The following SV2A variants were observed in gnomAD, a reference collection of about 807,000 sequenced individuals.
SV2A encodes the protein synaptic vesicle glycoprotein 2A, also known as solute carrier family 22 member B1.
SV2A carries 25 observed loss-of-function variants against 78.0 expected under a neutral mutation model. The observed-to-expected ratio is 0.32, with a 90% CI of 0.23 to 0.45. SV2A has a LOEUF of 0.45. Among genes scored for constraint, SV2A ranks in the 20% least tolerant of loss-of-function variants. The pLI is 1.00. For missense variants in SV2A, 752 were observed against 971.5 expected (o/e 0.77, Z 3.00); for synonymous variants, 355 against 384.7 (o/e 0.92, Z 0.90).
chr1:149,912,003 C>A (rs1553763884), intron 2 of SV2A, 23 bp from the exon 3 acceptor site: 1 of 1,607,626 alleles, frequency 6.2e-7, no homozygotes, highest in South Asian at 1.1e-5. Flanking sequence ...GGAAAACAGG[C>A]AGAGGGGGTG....
intron 3 of SV2A, 54 bp downstream of exon 3, chr1:149,911,746 A>T: frequency 6.4e-7 from 1 of 1,563,762 alleles, no homozygotes; most frequent in Non-Finnish European, 8.7e-7. Flanking sequence ...TAAAGATACA[A>T]CAGTGACCAA....
chr1:149,911,083 A>T (rs1571504603), intron 3 of SV2A, 106 bp from the exon 4 acceptor site: 3 of 1,410,010 alleles, frequency 2.1e-6, no homozygotes, highest in East Asian at 4.7e-5. Flanking sequence ...GCTTTTGAAG[A>T]GACTCCATCT....
In SV2A at chr1:149,905,062, G is replaced by A. The variant is rs1360557224; in HGVS notation, c.2181C>T (p.Ser727=). ...LFASAALALG[S]SLALKLPETR... Reference sequence around the variant, plus strand: ...TCTCAGGCAGCTTCAGGGCCAGAGAGCTGCCAAGGGCAAGGGCAGCTGAGG... The same window carrying A: ...TCTCAGGCAGCTTCAGGGCCAGAGAACTGCCAAGGGCAAGGGCAGCTGAGG... Residue 727 remains serine, a synonymous_variant, in exon 13 of 13, where the codon AGC becomes AGT. Transcript: ENST00000369146. 1.9e-6 allele frequency: 3 copies of A among 1,613,168 alleles called. No homozygotes were observed. The highest frequency in any genetic ancestry group is 2.5e-6 in the Non-Finnish European group (3 of 1,179,718).
chr1:149,916,527 C>T (rs76821836), intron 1 of SV2A, among the ~76,000 whole-genome samples: 3,877 of 152,242 alleles, frequency 0.025, 175 homozygotes, highest in African/African-American at 0.089. Context: ...AAAAATGTGC[C>T]CAGGAGATTT....
rs782643808 is a variant in SV2A, at chr1:149,909,266, A to G, written c.1305T>C (p.Phe435=). The change falls in exon 8 of 13, where the codon TTT becomes TTC. Residue 435 remains phenylalanine, a synonymous_variant. Transcript: ENST00000369146. ...GATATTCGGGACCAAAACAGGAGAGAAAATTCCCCCAAACCTACAGGGGAC... is the reference window on the plus strand; with the variant it reads ...GATATTCGGGACCAAAACAGGAGAGGAAATTCCCCCAAACCTACAGGGGAC... ...LSLGGQVWGN[F]LSCFGPEYRR... is the part of the protein sequence containing the mutation. The G allele has an allele frequency of 3.7e-6, 6 of 1,613,960 alleles. No individual in the cohort carries two copies. The highest frequency in any genetic ancestry group is 1.7e-5 in the Admixed American group (1 of 59,992).
intron 1 of SV2A, among the ~76,000 whole-genome samples, chr1:149,914,689 T>C (rs1199718894): frequency 1.3e-5 from 2 of 152,098 alleles, no homozygotes; most frequent in African/African-American, 4.8e-5. Context: ...AGGGATTTTC[T>C]CTCAACATAG....
At position 149,908,138 on chromosome 1, in the gene SV2A, C is replaced by T. The variant is rs782305273; in HGVS notation, c.1448G>A (p.Arg483His). The change falls in exon 9 of 13, where the codon CGC (arginine) becomes CAC (histidine). Residue 483 changes from arginine (R) to histidine (H), a missense_variant. Physicochemically the swap from Arg to His is conservative, Grantham distance 29. Coordinates refer to ENST00000369146, the MANE Select transcript of SV2A (RefSeq NM_014849.5). ...RHLQAVDYAS[R>H]TKVFPGERVE... ...GCGCTCCCCGGGGAACACTTTGGTG[C>T]GGGATGCGTAGTCCACTGCCTGGAG... 11 of 1,613,998 alleles carry T rather than the reference C, an allele frequency of 6.8e-6. No individual in the cohort carries two copies. Among genetic ancestry groups the T allele is most frequent in the East Asian group, 2.2e-5 (1 of 44,892 alleles).
chr1:149,905,766 A>C, intron 12 of SV2A, 114 bp downstream of exon 12: 2 of 1,416,062 alleles, frequency 1.4e-6, no homozygotes, highest in Non-Finnish European at 1.9e-6. Flanking sequence ...TTTAGAGGAG[A>C]AAATGGAAAT....
In SV2A at chr1:149,914,044, G is replaced by T; in HGVS notation, c.-204C>A. 1 of 733,138 alleles carries T rather than the reference G, an allele frequency of 1.4e-6. No individual in the cohort carries two copies. Among genetic ancestry groups the T allele is most frequent in the Non-Finnish European group, 2.1e-6 (1 of 470,906 alleles). The allele number at this position is 733,138 out of a possible 1,614,324, so 45.4% of individuals were successfully genotyped here. On this transcript the variant is annotated 5_prime_UTR_variant, in exon 2 of 13. Coordinates refer to ENST00000369146, the MANE Select transcript of SV2A (RefSeq NM_014849.5). ...AAGGAAAAGGAAGGAGAGGAGCTTT[G>T]ACCTATACCCAGTTCAGTTGGGTGG...
chr1:149,908,903 G>A (rs1303485694), intron 8 of SV2A, among the ~76,000 whole-genome samples: 1 of 152,108 alleles, frequency 6.6e-6, no homozygotes, highest in Non-Finnish European at 1.5e-5. Context: ...AAAGTGCTGG[G>A]ATTACGAGCC....
In SV2A at chr1:149,913,967, T is replaced by A. The variant is rs1320943309; in HGVS notation, c.-127A>T. On this transcript the variant is annotated 5_prime_UTR_variant, in exon 2 of 13. Coordinates refer to ENST00000369146, the MANE Select transcript of SV2A (RefSeq NM_014849.5). ...TACTTAGATGAAGCGTGTTCCAGTA[T>A]CTCTGGGCACAAAAAAAAGAGCAAA... 4.3e-6 allele frequency: 6 copies of A among 1,409,878 alleles called. No individual in the cohort carries two copies. The highest frequency in any genetic ancestry group is 5.7e-6 in the Non-Finnish European group (6 of 1,058,156). 87.3% of individuals were successfully genotyped at this position (1,409,878 alleles called of 1,614,324 possible).
rs782523702 is a variant in SV2A, at chr1:149,910,401, G to A, written c.1089+169C>T. On this transcript the variant is annotated intron_variant, in intron 5 of 12. Coordinates refer to ENST00000369146, the MANE Select transcript of SV2A (RefSeq NM_014849.5). This position sits in a 1 kb window ranked among gnomAD's most constrained non-coding sequence, Gnocchi z 4.2. Reference sequence around the variant, plus strand: ...GAACCCCTCAGGGACACATTCCAAGGCAAAGAATGCAAGATAAAGTCCCCT... The same window carrying A: ...GAACCCCTCAGGGACACATTCCAAGACAAAGAATGCAAGATAAAGTCCCCT... 4.6e-5 allele frequency among the ~76,000 whole-genome samples: 7 copies of A among 152,186 alleles called. No individual in the cohort carries two copies. Among genetic ancestry groups the A allele is most frequent in the Non-Finnish European group, 7.3e-5 (5 of 68,036 alleles).
intron 12 of SV2A, 42 bp downstream of exon 12, chr1:149,905,838 T>C: frequency 6.4e-7 from 1 of 1,566,950 alleles, no homozygotes; most frequent in Non-Finnish European, 8.7e-7. Context: ...ACCCCACCCC[T>C]CCCCTGAATC....
chr1:149,908,321 G>A (rs1553763120), intron 8 of SV2A, 115 bp from the exon 9 acceptor site: 2 of 1,261,650 alleles, frequency 1.6e-6, no homozygotes, highest in African/African-American at 3.0e-5. Context: ...AGGGAGAAAT[G>A]GAGTCAACCT....
In SV2A at chr1:149,907,849, G is replaced by C; in HGVS notation, c.1545-16C>G. Reference sequence around the variant, plus strand: ...CCCAATGAACCTGTAAGGCCAGGATGGTGAAAGACACTCCCCCGTCATCCT... The same window carrying C: ...CCCAATGAACCTGTAAGGCCAGGATCGTGAAAGACACTCCCCCGTCATCCT... On this transcript the variant is annotated splice_polypyrimidine_tract_variant and intron_variant, in intron 9 of 12. Transcript: ENST00000369146. 6.2e-7 allele frequency: 1 copy of C among 1,611,542 alleles called. No homozygotes were observed. The highest frequency in any genetic ancestry group is 2.2e-5 in the East Asian group (1 of 44,840).
At position 149,913,369 on chromosome 1, in the gene SV2A, C is replaced by G; in HGVS notation, c.472G>C (p.Glu158Gln). The change falls in exon 2 of 13, where the codon GAG becomes CAG. Residue 158 changes from glutamate (E) to glutamine (Q), a missense_variant. This residue lies in a region of SV2A where 291 missense variants were observed against 359.5 expected (regional missense o/e 0.81). Coordinates refer to ENST00000369146, the MANE Select transcript of SV2A (RefSeq NM_014849.5). ...CACTGGAAGCGGCCGTGGCCACACT[C>G]CCGTAGGATGGCTTCATACTGTTGG... is the stretch of plus-strand genomic sequence containing the variant. ...LAQQYEAILR[E>Q]CGHGRFQWTL... 6.2e-7 allele frequency: 1 copy of G among 1,614,154 alleles called. No homozygotes were observed. Among genetic ancestry groups the G allele is most frequent in the Non-Finnish European group, 8.5e-7 (1 of 1,180,036 alleles).
chr1:149,914,099 T>C lies in SV2A; in HGVS notation c.-259A>G. The C allele has an allele frequency of 2.5e-6, 1 of 400,530 alleles. No homozygotes were observed. Among genetic ancestry groups the C allele is most frequent in the African/African-American group, 2.0e-5 (1 of 49,478 alleles). 24.8% of individuals were successfully genotyped at this position (400,530 alleles called of 1,614,324 possible). A position where few individuals can be genotyped will look rare whatever the true frequency, so the allele number is the denominator to read the frequency against. ...GGAAGGGACAGGGGGAGCAGGGGAATGGGAAGGGGAAGGGGAGCCAGATTG... is the reference window on the plus strand; with the variant it reads ...GGAAGGGACAGGGGGAGCAGGGGAACGGGAAGGGGAAGGGGAGCCAGATTG... On this transcript the variant is annotated 5_prime_UTR_variant, in exon 2 of 13. Coordinates refer to ENST00000369146, the MANE Select transcript of SV2A (RefSeq NM_014849.5).
intron 10 of SV2A, 32 bp downstream of exon 10, chr1:149,907,668 T>C (rs1257768340): frequency 3.7e-6 from 6 of 1,603,838 alleles, no homozygotes. Context: ...CCCAACCCTT[T>C]GGTCTGACAC....
At chr1:149,914,266 C>G (rs1266959683) in intron 1 of SV2A, 79 bp from the exon 2 acceptor site, 1 of 167,394 alleles carries the variant, frequency 6.0e-6, no homozygotes, top group African/African-American at 2.4e-5. Flanking sequence ...CCTCTCAACC[C>G]AGAGCCCCAT....
Sources: gnomAD v4.1 joint callset for allele counts (sites outside exome capture counted in the v4.1 genomes callset) on GRCh38, gnomAD v4.1.1 for gene constraint, gnomAD v4.1.1 regional missense constraint, Gnocchi (gnomAD v3.1) non-coding constraint, MANE v1.5 for transcripts, NCBI Gene and HGNC (gene_info 2026-07-23, HGNC 2026-07-21) for gene names.